Variants in CACNA2D3 observed in about 807,000 individuals in gnomAD.
CACNA2D3 encodes voltage-dependent calcium channel subunit alpha-2/delta-3.
CACNA2D3 carries 60 observed loss-of-function variants against 160.6 expected under a neutral mutation model. The observed-to-expected ratio is 0.37, with a 90% CI of 0.30 to 0.46. The LOEUF (loss-of-function observed/expected upper bound fraction) is 0.46. Ranked by LOEUF, CACNA2D3 falls within the 20% of genes least tolerant of loss-of-function variation. The pLI, the probability that CACNA2D3 is intolerant of heterozygous loss-of-function variation, is 1.00. For synonymous variants in CACNA2D3, 558 were observed against 492.9 expected (o/e 1.13, Z -1.75); for missense variants, 1,205 against 1,365.0 (o/e 0.88, Z 1.85).
chr3:54,658,709 A>G (rs1699916846), intron 11 of CACNA2D3, among the ~76,000 whole-genome samples: 1 of 152,168 alleles, frequency 6.6e-6, no homozygotes, highest in African/African-American at 2.4e-5. Flanking sequence ...CAGCAGAGTA[A>G]AGAGGAAACC....
chr3:54,332,711 C>T (rs1210374875), intron 3 of CACNA2D3, among the ~76,000 whole-genome samples: 1 of 152,122 alleles, frequency 6.6e-6, no homozygotes, highest in East Asian at 1.9e-4. Context: ...TTTGTGTCTT[C>T]TTTTCCTGTC....
At chr3:54,862,181 C>T (rs1699305312) in intron 17 of CACNA2D3, among the ~76,000 whole-genome samples, 1 of 152,212 alleles carries the variant, frequency 6.6e-6, no homozygotes, top group South Asian at 2.1e-4. Flanking sequence ...CAGAGGGTTG[C>T]AGAAGAAGGG....
intron 27 of CACNA2D3, among the ~76,000 whole-genome samples, chr3:54,902,076 A>G (rs572533856): frequency 1.3e-5 from 2 of 152,350 alleles, no homozygotes; most frequent in Admixed American, 6.5e-5. Context: ...TTCTCCCATC[A>G]GTGTGCCCCA....
intron 3 of CACNA2D3, among the ~76,000 whole-genome samples, chr3:54,356,232 G>C (rs1397646838): frequency 6.6e-6 from 1 of 152,182 alleles, no homozygotes; most frequent in Non-Finnish European, 1.5e-5. Context: ...GGATAAAACT[G>C]AGTTGAGCTT....
At chr3:54,968,225 G>A (rs1388957870) in intron 27 of CACNA2D3, among the ~76,000 whole-genome samples, 2 of 152,110 alleles carry the variant, frequency 1.3e-5, no homozygotes, top group East Asian at 1.9e-4. Flanking sequence ...TCCAAAGAGC[G>A]ATCTGCACTG....
intron 4 of CACNA2D3, among the ~76,000 whole-genome samples, chr3:54,401,415 G>T (rs906847796): frequency 2.6e-5 from 4 of 152,156 alleles, no homozygotes; most frequent in Non-Finnish European, 4.4e-5. Context: ...CCCCAAACAA[G>T]TTCAACCCAA....
chr3:54,863,759 G>A (rs942213546), intron 17 of CACNA2D3, among the ~76,000 whole-genome samples: 6 of 151,840 alleles, frequency 4.0e-5, no homozygotes, highest in African/African-American at 1.2e-4. Context: ...GTTTTACAGC[G>A]ATCAAAAGGA....
At chr3:54,430,154 A>G (rs1386637455) in intron 4 of CACNA2D3, among the ~76,000 whole-genome samples, 1 of 152,246 alleles carries the variant, frequency 6.6e-6, no homozygotes, top group African/African-American at 2.4e-5. Flanking sequence ...ATTGTGGGAA[A>G]ATGTGAAAAC....
chr3:54,350,715 G>A (rs555388641), intron 3 of CACNA2D3, among the ~76,000 whole-genome samples: 2 of 152,310 alleles, frequency 1.3e-5, no homozygotes, highest in East Asian at 1.9e-4. Context: ...CTCCACAAGA[G>A]TGAGCTTTCG....
chr3:54,756,293 G>T (rs891075682), intron 12 of CACNA2D3, among the ~76,000 whole-genome samples: 2 of 152,042 alleles, frequency 1.3e-5, no homozygotes, highest in African/African-American at 4.8e-5. Context: ...GAATGTCACT[G>T]TTTGCCACTC....
chr3:54,460,139 G>C (rs1700473358), intron 4 of CACNA2D3, among the ~76,000 whole-genome samples: 1 of 151,526 alleles, frequency 6.6e-6, no homozygotes, highest in African/African-American at 2.4e-5. Flanking sequence ...CTATATCTCT[G>C]TTTTGGTACC....
intron 35 of CACNA2D3, among the ~76,000 whole-genome samples, chr3:55,062,285 T>TC (rs1439434078): frequency 6.6e-6 from 1 of 151,298 alleles, no homozygotes; most frequent in African/African-American, 2.4e-5. Flanking sequence ...TCTGTCTTTT[T>TC]TTTTTTTTTT....
intron 14 of CACNA2D3, among the ~76,000 whole-genome samples, chr3:54,824,872 A>G (rs1487416925): frequency 6.6e-6 from 1 of 152,208 alleles, no homozygotes; most frequent in Non-Finnish European, 1.5e-5. Context: ...ATAAAGTTAA[A>G]GCAGAAATGG....
intron 17 of CACNA2D3, among the ~76,000 whole-genome samples, chr3:54,848,644 G>A (rs971151795): frequency 2.6e-5 from 4 of 152,204 alleles, no homozygotes; most frequent in Admixed American, 6.5e-5. Flanking sequence ...GTCAATAAGT[G>A]TATGTTGACT....
chr3:54,800,321 T>G (rs1702956336), intron 13 of CACNA2D3, among the ~76,000 whole-genome samples: 1 of 152,208 alleles, frequency 6.6e-6, no homozygotes, highest in Admixed American at 6.5e-5. Context: ...TATTGTAGTT[T>G]TATCTGGACT....
At chr3:54,858,447 C>G (rs1699217242) in intron 17 of CACNA2D3, among the ~76,000 whole-genome samples, 1 of 152,210 alleles carries the variant, frequency 6.6e-6, no homozygotes, top group South Asian at 2.1e-4. Flanking sequence ...CTCTCCTCTT[C>G]CATCTGTGAC....
chr3:54,478,214 A>G (rs2884805), intron 4 of CACNA2D3, among the ~76,000 whole-genome samples: 61,155 of 152,012 alleles, frequency 0.4, 12,717 homozygotes, highest in Middle Eastern at 0.49. Flanking sequence ...CATAATAAAA[A>G]ATTTAATTAA....
At chr3:54,751,385 T>C (rs939486004) in intron 11 of CACNA2D3, among the ~76,000 whole-genome samples, 2 of 152,252 alleles carry the variant, frequency 1.3e-5, no homozygotes, top group African/African-American at 4.8e-5. Flanking sequence ...CTTCAAGTTA[T>C]AATGCCCAGA....
At chr3:54,758,470 C>G (rs1702017499) in intron 12 of CACNA2D3, among the ~76,000 whole-genome samples, 1 of 152,058 alleles carries the variant, frequency 6.6e-6, no homozygotes. Context: ...TTCTTCTGCT[C>G]TCAGCACTCA....
Sources: gnomAD v4.1 joint callset for allele counts (sites outside exome capture counted in the v4.1 genomes callset) on GRCh38, gnomAD v4.1.1 for gene constraint, MANE v1.5 for transcripts, NCBI Gene and HGNC (gene_info 2026-07-23, HGNC 2026-07-21) for gene names.